The following RARA variants were observed in gnomAD, a reference collection of about 807,000 sequenced individuals.
RARA encodes the protein PML-DDX5-RARA fusion.
Under a neutral mutation model 42.8 loss-of-function variants are expected in RARA, and 5 were observed. The ratio of observed to expected loss-of-function variants is 0.12; its 90% CI spans 0.06 to 0.25. RARA has a LOEUF of 0.25. RARA is among the 10% of genes least tolerant of loss of function. RARA has a pLI of 1.00. For missense variants in RARA, 402 were observed against 628.7 expected (o/e 0.64, Z 3.86); for synonymous variants, 256 against 259.5 (o/e 0.99, Z 0.13).
rs1164026646 is a variant in RARA, at chr17:40,349,904, G to A, written c.448G>A (p.Glu150Lys). The change falls in exon 4 of 9, where the codon GAA becomes AAA. Residue 150 changes from glutamate (E) to lysine (K), a missense_variant. Coordinates refer to ENST00000254066, the MANE Select transcript of RARA (RefSeq NM_000964.4). ...CQYCRLQKCF[E>K]VGMSKESVRN... ...GTACTGCCGACTGCAGAAGTGCTTT[G>A]AAGTGGGCATGTCCAAGGAGTGTGA... is the stretch of plus-strand genomic sequence containing the variant. The A allele has an allele frequency of 6.2e-7, 1 of 1,614,230 alleles. No homozygotes were observed. Among genetic ancestry groups the A allele is most frequent in the Admixed American group, 1.7e-5 (1 of 60,036 alleles).
At chr17:40,329,953 T>C (rs2033648110) in intron 1 of RARA, among the ~76,000 whole-genome samples, 1 of 152,220 alleles carries the variant, frequency 6.6e-6, no homozygotes. Context: ...TGCCTATCTG[T>C]CTCACTGTGT....
At chr17:40,321,897 A>G (rs947287500) in intron 1 of RARA, among the ~76,000 whole-genome samples, 2 of 152,120 alleles carry the variant, frequency 1.3e-5, no homozygotes, top group Non-Finnish European at 2.9e-5. Context: ...CCAAGTGTCA[A>G]CCTGATCTTA....
chr17:40,356,724 T>G lies in RARA; in HGVS notation c.*498T>G. 1 of 534,398 alleles carries G rather than the reference T, an allele frequency of 1.9e-6. No individual in the cohort carries two copies. The highest frequency in any genetic ancestry group is 3.6e-6 in the Non-Finnish European group (1 of 277,518). The allele number at this position is 534,398 out of a possible 1,614,324, so 33.1% of individuals were successfully genotyped here. ...CTGCCATACCAACCCCAGGTATTAA[T>G]TCTCGCTGGTTTTGTTTTTATTTTA... On this transcript the variant is annotated 3_prime_UTR_variant, in exon 9 of 9. Transcript: ENST00000254066.
intron 2 of RARA, among the ~76,000 whole-genome samples, chr17:40,346,426 G>A (rs947394066): frequency 6.6e-6 from 1 of 151,642 alleles, no homozygotes; most frequent in Admixed American, 6.6e-5. Flanking sequence ...GGAGGTCAGT[G>A]CCTTCTTCCT....
chr17:40,342,447 A>C, intron 2 of RARA: 1 of 1,202,524 alleles, frequency 8.3e-7, no homozygotes, highest in Non-Finnish European at 1.0e-6. Context: ...GGGCCCCGCC[A>C]GGCTTCCCTG....
At position 40,330,282 on chromosome 17, in the gene RARA, A is replaced by G. The variant is rs568949172; in HGVS notation, c.-362-575A>G. On this transcript the variant is annotated intron_variant, in intron 1 of 8. Transcript: ENST00000254066. ...CTGTTAAGCATTGGAGGTGATACCTAGGAGTCCTTGGTTCCCATTTTCCTA... is the reference window on the plus strand; with the variant it reads ...CTGTTAAGCATTGGAGGTGATACCTGGGAGTCCTTGGTTCCCATTTTCCTA... 4.5e-4 allele frequency among the ~76,000 whole-genome samples: 69 copies of G among 152,226 alleles called. 1 individual carries two copies. The highest frequency in any genetic ancestry group is 1.6e-3 in the African/African-American group (66 of 41,534).
chr17:40,324,135 C>T (rs532981419), intron 1 of RARA, among the ~76,000 whole-genome samples: 1 of 152,222 alleles, frequency 6.6e-6, no homozygotes, highest in Non-Finnish European at 1.5e-5. Flanking sequence ...GTGGGGAAAG[C>T]CCCGTGCCAG....
In RARA at chr17:40,326,835, T is replaced by C. The variant is rs2033558884; in HGVS notation, c.-362-4022T>C. On this transcript the variant is annotated intron_variant, in intron 1 of 8. Coordinates refer to ENST00000254066, the MANE Select transcript of RARA (RefSeq NM_000964.4). The surrounding 1 kb of genome is among the most constrained non-coding windows in gnomAD (Gnocchi z 5.2). ...GGGGGCTGGGGCCCAGGTGTCTCTC[T>C]GAGGGTCATAGCTTCTGATGGACCT... Among the ~76,000 whole-genome samples, 1 of 152,100 alleles carries C rather than the reference T, an allele frequency of 6.6e-6. No homozygotes were observed.
chr17:40,341,185 C>T, intron 2 of RARA: 2 of 558,746 alleles, frequency 3.6e-6, no homozygotes, highest in South Asian at 1.3e-4. Flanking sequence ...AAGTAGTCCA[C>T]TGGAAGGCAC....
At chr17:40,322,166 A>AG (rs968638172) in intron 1 of RARA, among the ~76,000 whole-genome samples, 2 of 144,772 alleles carry the variant, frequency 1.4e-5, no homozygotes, top group Non-Finnish European at 3.0e-5. Flanking sequence ...AGAGAAGGGG[A>AG]GGGGGGTGGA....
At chr17:40,322,276 AGTGGCAGGGAAGAG>A (rs966933418) in intron 1 of RARA, among the ~76,000 whole-genome samples, 118 of 151,764 alleles carry the variant, frequency 7.8e-4, no homozygotes, top group Non-Finnish European at 1.2e-3. Context: ...GCAGGGGAGA[AGTGGCAGGGAAGAG>A]GTGGCAGGGG....
rs1472031788 is a variant in RARA at position 40,320,553 on chromosome 17, ACT to A, written c.-362-10301_-362-10300del. On this transcript the variant is annotated intron_variant, in intron 1 of 8. Transcript: ENST00000254066. The surrounding 1 kb of genome is among the most constrained non-coding windows in gnomAD (Gnocchi z 4.1). ...CTAAACCATTTAGTCTTGGAAGCTG[ACT>A]CTGCCCTCTGGGACCTTTTCTTCCA... 1.3e-5 allele frequency among the ~76,000 whole-genome samples: 2 copies of A among 151,668 alleles called. No homozygotes were observed. The highest frequency in any genetic ancestry group is 1.9e-4 in the East Asian group (1 of 5,166).
intron 2 of RARA, chr17:40,341,454 G>A (rs1184715821): frequency 3.9e-6 from 6 of 1,520,952 alleles, no homozygotes; most frequent in Non-Finnish European, 3.5e-6. Context: ...GCTGCACAAT[G>A]TCACACCCGG....
At chr17:40,336,582 G>A (rs1272187572) in intron 2 of RARA, among the ~76,000 whole-genome samples, 1 of 151,886 alleles carries the variant, frequency 6.6e-6, no homozygotes, top group Non-Finnish European at 1.5e-5. Flanking sequence ...TGGAGATGGA[G>A]TTTCACCATG....
intron 2 of RARA, among the ~76,000 whole-genome samples, chr17:40,344,508 A>G (rs191239503): frequency 6.6e-6 from 1 of 152,258 alleles, no homozygotes; most frequent in African/African-American, 2.4e-5. Flanking sequence ...CTTGGTCTCC[A>G]GCCCCTGTCT....
In RARA at chr17:40,354,554, G is replaced by T. The variant is rs1386342937; in HGVS notation, c.1012+48G>T. The T allele has an allele frequency of 1.3e-6, 2 of 1,587,588 alleles. No homozygotes were observed. Among genetic ancestry groups the T allele is most frequent in the Non-Finnish European group, 1.7e-6 (2 of 1,163,642 alleles). On this transcript the variant is annotated intron_variant, in intron 7 of 8. Coordinates refer to ENST00000254066, the MANE Select transcript of RARA (RefSeq NM_000964.4). This position sits in a 1 kb window ranked among gnomAD's most constrained non-coding sequence, Gnocchi z 4.5. ...GGGGCTGGGCTGGGACGGGGGTGCA[G>T]CCCTGGAGTCTCTTCCAGGGAGCTC...
At chr17:40,311,402 G>A (rs2033093027) in intron 1 of RARA, among the ~76,000 whole-genome samples, 1 of 151,984 alleles carries the variant, frequency 6.6e-6, no homozygotes, top group South Asian at 2.1e-4. Context: ...ACACACCAAG[G>A]TCCTCAGGAC....
At position 40,348,481 on chromosome 17, in the gene RARA, A is replaced by G; in HGVS notation, c.327+17A>G. On this transcript the variant is annotated intron_variant, in intron 3 of 8. Coordinates refer to ENST00000254066, the MANE Select transcript of RARA (RefSeq NM_000964.4). ...GGCTGCAAGGTGAGTTGAAGGGGTC[A>G]TTGGGAAGGACAGCTTGATGAGGTC... 6.2e-7 allele frequency: 1 copy of G among 1,609,328 alleles called. No individual in the cohort carries two copies. The highest frequency in any genetic ancestry group is 1.1e-5 in the South Asian group (1 of 90,534).
chr17:40,323,734 G>A (rs373023967), intron 1 of RARA, among the ~76,000 whole-genome samples: 4 of 147,138 alleles, frequency 2.7e-5, no homozygotes, highest in Non-Finnish European at 4.5e-5. Context: ...AGTTGCTTGG[G>A]GGGGGGTCAA....
Sources: allele counts gnomAD v4.1 joint callset (sites outside exome capture counted in the v4.1 genomes callset), GRCh38; gene constraint gnomAD v4.1.1; non-coding constraint Gnocchi (gnomAD v3.1); transcripts MANE v1.5; gene names NCBI Gene and HGNC (gene_info 2026-07-23, HGNC 2026-07-21).